Variants in SMAGP observed in about 807,000 individuals in gnomAD.
SMAGP encodes small cell transmembrane and glycosylated protein.
SMAGP carries 7 observed loss-of-function variants against 10.1 expected under a neutral mutation model. That is an observed-to-expected ratio of 0.70 (90% CI 0.40 to 1.31). The LOEUF (loss-of-function observed/expected upper bound fraction) is 1.31. Among genes scored for constraint, SMAGP ranks in the 50% most tolerant of loss-of-function variants. The pLI, the probability that SMAGP is intolerant of heterozygous loss-of-function variation, is 0.01. For synonymous variants in SMAGP, 49 were observed against 47.2 expected (o/e 1.04, Z -0.16); for missense variants, 113 against 116.5 (o/e 0.97, Z 0.14).
At chr12:51,268,956 A>G (rs866604678) in intron 2 of SMAGP, among the ~76,000 whole-genome samples, 9 of 152,276 alleles carry the variant, frequency 5.9e-5, no homozygotes, top group Middle Eastern at 6.8e-3. Flanking sequence ...ACCTAGCCTC[A>G]AGAGATCCTC....
chr12:51,267,127 T>C (rs943725749), intron 2 of SMAGP, among the ~76,000 whole-genome samples: 1 of 151,960 alleles, frequency 6.6e-6, no homozygotes, highest in African/African-American at 2.4e-5. Flanking sequence ...AAAATAATAA[T>C]AATAAAATTT....
intron 2 of SMAGP, among the ~76,000 whole-genome samples, chr12:51,248,432 ACACTCTCTCTCTCTCTCTCT>A (rs1414946837): frequency 2.8e-3 from 136 of 48,766 alleles, no homozygotes; most frequent in African/African-American, 9.1e-3. Flanking sequence ...ACACACACAC[ACACTCTCTCTCTCTCTCTCT>A]CTCTCTCTCT....
Position 51,244,932 on chromosome 12 carries a change from C to G in SMAGP, c.*1009G>C, listed in dbSNP as rs1184639393. Reference sequence around the variant, plus strand: ...CTCCGCCTCCTGGGTTCAAGCCATTCTCCTGCCTCAGCCTCCCAAGCAGCT... The same window carrying G: ...CTCCGCCTCCTGGGTTCAAGCCATTGTCCTGCCTCAGCCTCCCAAGCAGCT... On this transcript the variant is annotated 3_prime_UTR_variant, in exon 4 of 4. Transcript: ENST00000603798. 6.8e-6 allele frequency: 1 copy of G among 146,550 alleles called. No individual in the cohort carries two copies. Among genetic ancestry groups the G allele is most frequent in the Non-Finnish European group, 1.5e-5 (1 of 67,316 alleles). The allele number at this position is 146,550 out of a possible 1,614,324, so 9.1% of individuals were successfully genotyped here.
intron 3 of SMAGP, chr12:51,246,528 A>G (rs1039671253): frequency 1.1e-5 from 5 of 460,550 alleles, no homozygotes; most frequent in African/African-American, 4.0e-5. Flanking sequence ...GTCCGTATGC[A>G]TATCTATTTG....
intron 1 of SMAGP, 91 bp from the exon 2 acceptor site, chr12:51,269,407 T>C (rs930020884): frequency 2.7e-5 from 26 of 966,224 alleles, no homozygotes; most frequent in Non-Finnish European, 4.2e-5. Context: ...TGGTGCCAGG[T>C]TCTCCCAAGT....
At chr12:51,268,275 G>A (rs1944994690) in intron 2 of SMAGP, among the ~76,000 whole-genome samples, 1 of 150,860 alleles carries the variant, frequency 6.6e-6, no homozygotes, top group African/African-American at 2.4e-5. Context: ...GTGCTTACGA[G>A]ATACTACACA....
At chr12:51,269,662 C>CTG in intron 1 of SMAGP, 1 of 205,028 alleles carries the variant, frequency 4.9e-6, no homozygotes, top group Non-Finnish European at 1.0e-5. Context: ...AGCGCGGTAA[C>CTG]AGGTACCCTA....
chr12:51,246,332 T>C (rs762819095), intron 3 of SMAGP: 1 of 603,176 alleles, frequency 1.7e-6, no homozygotes, highest in Admixed American at 3.3e-5. Flanking sequence ...TAAGGACACA[T>C]GCTTTTGATT....
chr12:51,249,086 A>C (rs1035770878), intron 2 of SMAGP, among the ~76,000 whole-genome samples: 19 of 152,056 alleles, frequency 1.2e-4, no homozygotes, highest in African/African-American at 3.9e-4. Context: ...TCCAAAAACA[A>C]AAACAAAAAC....
chr12:51,247,698 G>T (rs982150386), intron 2 of SMAGP, among the ~76,000 whole-genome samples: 3 of 152,130 alleles, frequency 2.0e-5, no homozygotes, highest in African/African-American at 7.2e-5. Context: ...GCTGATCCTG[G>T]CAACACCCAC....
intron 2 of SMAGP, among the ~76,000 whole-genome samples, chr12:51,256,450 G>A (rs1037310892): frequency 2.0e-5 from 3 of 152,052 alleles, no homozygotes; most frequent in East Asian, 1.9e-4. Context: ...AGCCGGGCGC[G>A]GTGGCTCACG....
chr12:51,246,017 T>C lies in SMAGP; in HGVS notation c.218A>G (p.Glu73Gly), dbSNP rs774243028. ...CTGGACGATGGCACTGGGCTCACCT[T>C]CTGTAGGTTCATAGGTGACGTAGCT... ...KGSYVTYEPT[E>G]GEPSAIVQME... The change falls in exon 4 of 4, where the codon GAA becomes GGA. Residue 73 changes from glutamate to glycine, a missense_variant. Physicochemically the swap from Glu to Gly is moderately conservative, Grantham distance 98. Coordinates refer to ENST00000603798, the MANE Select transcript of SMAGP (RefSeq NM_001031628.2). The C allele has an allele frequency of 4.3e-6, 7 of 1,613,710 alleles. No individual in the cohort carries two copies. Among genetic ancestry groups the C allele is most frequent in the East Asian group, 2.2e-5 (1 of 44,898 alleles).
At chr12:51,265,889 T>C (rs1218991306) in intron 2 of SMAGP, among the ~76,000 whole-genome samples, 2 of 152,158 alleles carry the variant, frequency 1.3e-5, no homozygotes, top group Non-Finnish European at 2.9e-5. Context: ...AAGACCATCC[T>C]GGCTAACACG....
intron 2 of SMAGP, among the ~76,000 whole-genome samples, chr12:51,257,934 G>A (rs1944900349): frequency 6.6e-6 from 1 of 152,116 alleles, no homozygotes; most frequent in South Asian, 2.1e-4. Flanking sequence ...AGGATCGCTT[G>A]AGGTCAGGAG....
At chr12:51,252,872 C>T (rs1034518843) in intron 2 of SMAGP, among the ~76,000 whole-genome samples, 4 of 151,974 alleles carry the variant, frequency 2.6e-5, no homozygotes, top group Non-Finnish European at 5.9e-5. Context: ...CCTTTGGGGA[C>T]ATGGGGGAAG....
intron 2 of SMAGP, among the ~76,000 whole-genome samples, chr12:51,249,979 T>C (rs550480147): frequency 9.9e-5 from 15 of 152,038 alleles, no homozygotes; most frequent in South Asian, 2.1e-4. Flanking sequence ...TTAACCAACA[T>C]TGCAGTTCTA....
chr12:51,244,859 C>G lies in SMAGP; in HGVS notation c.*1082G>C, dbSNP rs950745597. ...TTTTTTTTTGAGACGGAGTCTCACTCTGTTGCCCAGGCTGGAGTATAGTGG... is the reference window on the plus strand; with the variant it reads ...TTTTTTTTTGAGACGGAGTCTCACTGTGTTGCCCAGGCTGGAGTATAGTGG... On this transcript the variant is annotated 3_prime_UTR_variant, in exon 4 of 4. Transcript: ENST00000603798. 1 of 131,838 alleles carries G rather than the reference C, an allele frequency of 7.6e-6. No individual in the cohort carries two copies. Among genetic ancestry groups the G allele is most frequent in the African/African-American group, 2.8e-5 (1 of 35,288 alleles). The allele number at this position is 131,838 out of a possible 1,614,324, so 8.2% of individuals were successfully genotyped here. A position where few individuals can be genotyped will look rare whatever the true frequency, so the allele number is the denominator to read the frequency against.
intron 3 of SMAGP, 75 bp downstream of exon 3, chr12:51,246,676 A>G: frequency 9.0e-7 from 1 of 1,111,648 alleles, no homozygotes; most frequent in South Asian, 1.8e-5. Flanking sequence ...CCATTAATGG[A>G]TTTGGTCAGG....
intron 2 of SMAGP, among the ~76,000 whole-genome samples, chr12:51,264,398 G>A (rs530530849): frequency 1.3e-5 from 2 of 152,324 alleles, no homozygotes; most frequent in African/African-American, 2.4e-5. Flanking sequence ...CTCAGGGGCA[G>A]AGGAAGGAGC....
Sources: gnomAD v4.1 joint callset for allele counts (sites outside exome capture counted in the v4.1 genomes callset) on GRCh38, gnomAD v4.1.1 for gene constraint, MANE v1.5 for transcripts, NCBI Gene and HGNC (gene_info 2026-07-23, HGNC 2026-07-21) for gene names.